LYPD6B: variants seen among roughly 807,000 people sequenced by gnomAD.
The protein encoded by LYPD6B is ly6/PLAUR domain-containing protein 6B.
A neutral mutation model predicts 22.8 loss-of-function variants in LYPD6B; 17 were observed. That is an observed-to-expected ratio of 0.75 (90% CI 0.51 to 1.12). The LOEUF is 1.12. Ranked by LOEUF, LYPD6B falls within the 50% of genes most tolerant of loss-of-function variation. The pLI is 0.00. For missense variants in LYPD6B, 221 were observed against 258.3 expected, an observed-to-expected ratio of 0.86 and a Z score of 0.99; for synonymous variants, 106 against 91.6, an observed-to-expected ratio of 1.16 and a Z score of -0.90.
chr2:149,214,757 C>T lies in LYPD6B; in HGVS notation c.*47C>T, dbSNP rs1295606070. ...CAGAGACCAGCCTCTAAAGCACAAGCCAAAAACTGTGTGAACGGTGAACTT... is the reference window on the plus strand; with the variant it reads ...CAGAGACCAGCCTCTAAAGCACAAGTCAAAAACTGTGTGAACGGTGAACTT... On this transcript the variant is annotated 3_prime_UTR_variant, in exon 7 of 7. Transcript: ENST00000409642. 2 of 1,588,562 alleles carry T rather than the reference C, an allele frequency of 1.3e-6. No homozygotes were observed. Among genetic ancestry groups the T allele is most frequent in the South Asian group, 1.1e-5 (1 of 90,350 alleles).
chr2:149,184,059 G>T (rs1414141546), intron 3 of LYPD6B, among the ~76,000 whole-genome samples: 2 of 152,028 alleles, frequency 1.3e-5, no homozygotes, highest in Admixed American at 1.3e-4. Context: ...GGGCATGGTG[G>T]CGCATGCCTG....
intron 3 of LYPD6B, among the ~76,000 whole-genome samples, chr2:149,202,799 TG>T (rs1176656033): frequency 6.6e-6 from 1 of 152,200 alleles, no homozygotes; most frequent in East Asian, 1.9e-4. Flanking sequence ...GATACCAAAC[TG>T]GGGATTTGTT....
chr2:149,124,837 C>T (rs1687598987), intron 1 of LYPD6B, among the ~76,000 whole-genome samples: 1 of 152,216 alleles, frequency 6.6e-6, no homozygotes, highest in Admixed American at 6.5e-5. Context: ...ACTCTTTTCC[C>T]ACCTCCCGCT....
chr2:149,123,178 G>A (rs1687483550), intron 1 of LYPD6B, among the ~76,000 whole-genome samples: 1 of 152,214 alleles, frequency 6.6e-6, no homozygotes, highest in Non-Finnish European at 1.5e-5. Flanking sequence ...ATGCCACAGT[G>A]ATCAGTACCA....
At chr2:149,128,518 G>A (rs965210243) in intron 1 of LYPD6B, among the ~76,000 whole-genome samples, 3 of 152,226 alleles carry the variant, frequency 2.0e-5, no homozygotes, top group African/African-American at 7.2e-5. Context: ...AAGGATGGAA[G>A]TTGGAGATAG....
intron 2 of LYPD6B, among the ~76,000 whole-genome samples, chr2:149,153,824 C>T (rs775346442): frequency 4.6e-5 from 7 of 151,908 alleles, no homozygotes; most frequent in Non-Finnish European, 1.0e-4. Flanking sequence ...GACAGGTGAT[C>T]CAAGCTGGGG....
intron 2 of LYPD6B, among the ~76,000 whole-genome samples, chr2:149,146,794 G>A (rs1268137314): frequency 6.6e-6 from 1 of 151,920 alleles, no homozygotes; most frequent in African/African-American, 2.4e-5. Flanking sequence ...AGGCACTGGA[G>A]ACTTTAGGGG....
intron 2 of LYPD6B, among the ~76,000 whole-genome samples, chr2:149,137,045 G>T (rs1247224881): frequency 1.3e-5 from 2 of 152,190 alleles, no homozygotes; most frequent in Non-Finnish European, 2.9e-5. Context: ...GCAATGAGTA[G>T]TTGTGTTCTG....
intron 1 of LYPD6B, among the ~76,000 whole-genome samples, chr2:149,107,758 A>G (rs1686549109): frequency 6.6e-6 from 1 of 152,174 alleles, no homozygotes; most frequent in Non-Finnish European, 1.5e-5. Flanking sequence ...AATGTTTTAA[A>G]TCTATTTACC....
chr2:149,158,435 G>A (rs1022489521), intron 2 of LYPD6B, among the ~76,000 whole-genome samples: 3 of 152,114 alleles, frequency 2.0e-5, no homozygotes, highest in South Asian at 2.1e-4. Context: ...GATAAATATT[G>A]TATGATTCCA....
At chr2:149,151,474 CT>C (rs1689373829) in intron 2 of LYPD6B, among the ~76,000 whole-genome samples, 1 of 152,162 alleles carries the variant, frequency 6.6e-6, no homozygotes, top group African/African-American at 2.4e-5. Context: ...AAGCTGTAGT[CT>C]TCCGTAGGAT....
intron 1 of LYPD6B, among the ~76,000 whole-genome samples, chr2:149,085,599 A>C (rs1485993985): frequency 1.3e-5 from 2 of 152,236 alleles, no homozygotes; most frequent in African/African-American, 4.8e-5. Context: ...AACTGTTGGC[A>C]ACAAGCTTAA....
At chr2:149,159,035 G>A (rs1487380579) in intron 2 of LYPD6B, among the ~76,000 whole-genome samples, 1 of 152,162 alleles carries the variant, frequency 6.6e-6, no homozygotes, top group East Asian at 1.9e-4. Flanking sequence ...CCTGGATCAG[G>A]CCAGATAATC....
At chr2:149,167,302 G>A (rs1690492786) in intron 3 of LYPD6B, among the ~76,000 whole-genome samples, 1 of 152,124 alleles carries the variant, frequency 6.6e-6, no homozygotes, top group African/African-American at 2.4e-5. Context: ...AGGGGGCTTT[G>A]GAGCTGTTTT....
At position 149,097,291 on chromosome 2, in the gene LYPD6B, G is replaced by A. The variant is rs115680801; in HGVS notation, c.-66-33592G>A. ...AGAACAAGATGCAGACAATGGGAAC[G>A]TTCTTCAACTTTTTAACTGCTTAAA... On this transcript the variant is annotated intron_variant, in intron 1 of 6. Coordinates refer to ENST00000409642, the MANE Select transcript of LYPD6B (RefSeq NM_177964.5). 3.1e-3 allele frequency among the ~76,000 whole-genome samples: 467 copies of A among 152,272 alleles called. 3 individuals carry two copies. The highest frequency in any genetic ancestry group is 0.011 in the African/African-American group (453 of 41,542).
chr2:149,041,306 C>T (rs901064970), intron 1 of LYPD6B, among the ~76,000 whole-genome samples: 1 of 152,122 alleles, frequency 6.6e-6, no homozygotes, highest in African/African-American at 2.4e-5. Flanking sequence ...TCCAGGGTGA[C>T]TAGAGCTCCA....
intron 1 of LYPD6B, among the ~76,000 whole-genome samples, chr2:149,115,523 A>G (rs1351724826): frequency 6.6e-6 from 1 of 152,150 alleles, no homozygotes; most frequent in Non-Finnish European, 1.5e-5. Flanking sequence ...CTTGCTGGCC[A>G]TCGAGTTGTG....
chr2:149,071,346 A>G (rs770943257), intron 1 of LYPD6B, among the ~76,000 whole-genome samples: 1 of 152,206 alleles, frequency 6.6e-6, no homozygotes. Context: ...TTTGCATACC[A>G]GGTCAGTCCT....
chr2:149,068,840 A>G (rs1032361267), intron 1 of LYPD6B: 1 of 388,746 alleles, frequency 2.6e-6, no homozygotes, highest in African/African-American at 2.1e-5. Flanking sequence ...GAAGTCAACT[A>G]CTCCAGGTTT....
Sources: allele counts gnomAD v4.1 joint callset (sites outside exome capture counted in the v4.1 genomes callset), GRCh38; gene constraint gnomAD v4.1.1; transcripts MANE v1.5; gene names NCBI Gene and HGNC (gene_info 2026-07-23, HGNC 2026-07-21).